The following ZNF385D variants were observed in gnomAD, a reference collection of about 807,000 sequenced individuals.
ZNF385D encodes zinc finger protein 659.
ZNF385D carries 15 observed loss-of-function variants against 35.8 expected under a neutral mutation model. The observed-to-expected ratio is 0.42, with a 90% CI of 0.28 to 0.64. ZNF385D has a LOEUF of 0.64. ZNF385D is among the 30% of genes least tolerant of loss of function. The pLI is 0.23. For synonymous variants in ZNF385D, 212 were observed against 186.8 expected, an observed-to-expected ratio of 1.13 and a Z score of -1.10; for missense variants, 474 against 494.6, an observed-to-expected ratio of 0.96 and a Z score of 0.39.
At chr3:22,367,782 A>G (rs192316899) in intron 2 of ZNF385D, among the ~76,000 whole-genome samples, 632 of 152,330 alleles carry the variant, frequency 4.1e-3, no homozygotes, top group Middle Eastern at 0.014. Context: ...ATTGCGGAGA[A>G]TAACTCTTCA....
intron 2 of ZNF385D, among the ~76,000 whole-genome samples, chr3:22,277,697 G>A (rs1701499622): frequency 6.6e-6 from 1 of 152,038 alleles, no homozygotes; most frequent in African/African-American, 2.4e-5. Flanking sequence ...ACAATTATTA[G>A]AAGATATGAA....
chr3:21,746,029 T>C (rs1302613622), intron 1 of ZNF385D, among the ~76,000 whole-genome samples: 6 of 152,184 alleles, frequency 3.9e-5, no homozygotes, highest in Non-Finnish European at 7.3e-5. Flanking sequence ...AGTCTATATA[T>C]ATAACAAGGA....
At chr3:21,444,576 G>A (rs561543706) in intron 4 of ZNF385D, among the ~76,000 whole-genome samples, 29 of 151,694 alleles carry the variant, frequency 1.9e-4, no homozygotes, top group African/African-American at 6.8e-4. Context: ...TAGTAGAGGC[G>A]GGGTTTCACC....
intron 3 of ZNF385D, among the ~76,000 whole-genome samples, chr3:21,820,085 A>G (rs897289217): frequency 1.8e-4 from 27 of 151,694 alleles, no homozygotes; most frequent in African/African-American, 6.5e-4. Context: ...TATTGAATAT[A>G]TTTTATCTAA....
chr3:21,531,438 A>G (rs2061920176), intron 3 of ZNF385D, among the ~76,000 whole-genome samples: 1 of 152,236 alleles, frequency 6.6e-6, no homozygotes, highest in South Asian at 2.1e-4. Flanking sequence ...CTTATGTCCA[A>G]GAGTAAAAAC....
chr3:22,177,767 T>A (rs1231184885), intron 2 of ZNF385D, among the ~76,000 whole-genome samples: 1 of 152,162 alleles, frequency 6.6e-6, no homozygotes, highest in African/African-American at 2.4e-5. Context: ...TGGTGTGTGA[T>A]GTTCCCCTTC....
At chr3:21,525,856 C>T (rs79007320) in intron 3 of ZNF385D, among the ~76,000 whole-genome samples, 1,784 of 152,118 alleles carry the variant, frequency 0.012, 39 homozygotes, top group African/African-American at 0.041. Flanking sequence ...CAAATTGAGA[C>T]ATTCCAATCT....
intron 1 of ZNF385D, among the ~76,000 whole-genome samples, chr3:21,669,279 G>A (rs1029497513): frequency 6.6e-6 from 1 of 152,154 alleles, no homozygotes; most frequent in Non-Finnish European, 1.5e-5. Context: ...ATAAGGTACT[G>A]AATAATTAAT....
intron 3 of ZNF385D, among the ~76,000 whole-genome samples, chr3:22,090,158 G>T (rs2125600160): frequency 6.6e-6 from 1 of 152,190 alleles, no homozygotes; most frequent in East Asian, 1.9e-4. Flanking sequence ...AATTATTTAT[G>T]GTAAACTTTT....
At chr3:22,364,670 T>C (rs1278045962) in intron 2 of ZNF385D, among the ~76,000 whole-genome samples, 1 of 152,142 alleles carries the variant, frequency 6.6e-6, no homozygotes, top group East Asian at 1.9e-4. Flanking sequence ...GTACAGCCAC[T>C]GTGGAAACAG....
chr3:22,092,170 A>G (rs540639158), intron 3 of ZNF385D, among the ~76,000 whole-genome samples: 12 of 152,264 alleles, frequency 7.9e-5, no homozygotes, highest in Non-Finnish European at 1.5e-4. Context: ...AAAGTTCACA[A>G]TTTACTGCTT....
chr3:21,542,694 G>GGT (rs1404889591), intron 3 of ZNF385D: 1 of 152,212 alleles, frequency 6.6e-6, no homozygotes, highest in Non-Finnish European at 1.5e-5. Context: ...TGCCCACTGA[G>GGT]GTGTAGCCTC....
At chr3:21,915,689 A>G (rs569348111) in intron 3 of ZNF385D, among the ~76,000 whole-genome samples, 70 of 152,164 alleles carry the variant, frequency 4.6e-4, no homozygotes, top group Non-Finnish European at 7.6e-4. Flanking sequence ...TACAAAACCA[A>G]TAAGTAGGTC....
In ZNF385D at chr3:21,437,066, TAGA is replaced by T. The variant is rs767718353; in HGVS notation, c.574_576del (p.Ser192del). The T allele has an allele frequency of 1.9e-6, 3 of 1,614,034 alleles. No homozygotes were observed. The highest frequency in any genetic ancestry group is 2.2e-5 in the South Asian group (2 of 91,080). On this transcript the variant is annotated inframe_deletion, in exon 5 of 8. Coordinates refer to ENST00000281523, the MANE Select transcript of ZNF385D (RefSeq NM_024697.3). ...TTTGCCTTTTCTTCCTCGGTCTCAG[TAGA>T]AGGACATGAGCTATTGCCAGTGGCT... is the stretch of plus-strand genomic sequence containing the variant.
intron 2 of ZNF385D, among the ~76,000 whole-genome samples, chr3:21,605,966 T>C (rs563421441): frequency 6.9e-6 from 1 of 144,244 alleles, no homozygotes; most frequent in Non-Finnish European, 1.5e-5. Flanking sequence ...ACGTGCAGAC[T>C]GTGCTGGTAT....
At chr3:21,475,390 A>C (rs975385511) in intron 4 of ZNF385D, among the ~76,000 whole-genome samples, 4 of 152,140 alleles carry the variant, frequency 2.6e-5, no homozygotes, top group Admixed American at 6.6e-5. Context: ...CATGTATGAA[A>C]TAAAAATACA....
chr3:21,994,153 A>G (rs1695319457), intron 3 of ZNF385D, among the ~76,000 whole-genome samples: 1 of 152,204 alleles, frequency 6.6e-6, no homozygotes, highest in Admixed American at 6.5e-5. Context: ...AAACAAACCA[A>G]ACTTTGACTA....
chr3:22,369,001 G>A (rs143836007), intron 2 of ZNF385D, among the ~76,000 whole-genome samples: 103 of 152,272 alleles, frequency 6.8e-4, no homozygotes, highest in African/African-American at 2.3e-3. Context: ...GTTGATCTCA[G>A]CTTCCTAAGT....
chr3:21,725,407 A>G (rs1236440149), intron 1 of ZNF385D, among the ~76,000 whole-genome samples: 1 of 152,144 alleles, frequency 6.6e-6, no homozygotes. Flanking sequence ...GTTTTTTCGA[A>G]AAGATCAACA....
Sources: gnomAD v4.1 joint callset for allele counts (sites outside exome capture counted in the v4.1 genomes callset) on GRCh38, gnomAD v4.1.1 for gene constraint, MANE v1.5 for transcripts, NCBI Gene and HGNC (gene_info 2026-07-23, HGNC 2026-07-21) for gene names.